The following TPRG1 variants were observed in gnomAD, a reference collection of about 807,000 sequenced individuals.
TPRG1 encodes the protein tumor protein p63-regulated gene 1 protein.
TPRG1 carries 29 observed loss-of-function variants against 29.3 expected under a neutral mutation model. The observed-to-expected ratio is 0.99, with a 90% confidence interval of 0.74 to 1.35. TPRG1 has a LOEUF of 1.35. TPRG1 is among the 40% of genes most tolerant of loss of function. TPRG1 has a pLI of 0.00. For missense variants in TPRG1, 327 were observed against 335.0 expected (o/e 0.98, Z 0.19); for synonymous variants, 130 against 116.8 (o/e 1.11, Z -0.73).
chr3:189,281,218 G>A (rs1261393978), intron 4 of TPRG1, among the ~76,000 whole-genome samples: 2 of 152,156 alleles, frequency 1.3e-5, no homozygotes, highest in Non-Finnish European at 2.9e-5. Context: ...GCTAATAAAT[G>A]GTAAAGCAAG....
Position 189,125,837 on chromosome 3 carries a change from G to A in TPRG1, c.-743-1220G>A, listed in dbSNP as rs1341681076. On this transcript the variant is annotated intron_variant, in intron 1 of 6. Transcript: ENST00000412373. ...TTTGTGTGTGTGTGTGTGTGTGTGT[G>A]TGTGTGTGTGTGTGTGTGTGTGTGT... Among the ~76,000 whole-genome samples the A allele has an allele frequency of 4.7e-5, 7 of 149,910 alleles. 1 individual carries two copies. The East Asian group carries it at 1.2e-3, about 25-fold the overall frequency.
At chr3:189,151,169 T>C (rs1356368709) in intron 5 of TPRG1, 1 of 152,210 alleles carries the variant, frequency 6.6e-6, no homozygotes, top group African/African-American at 2.4e-5. Context: ...GAAAGACCTG[T>C]GCAAAACACT....
At chr3:189,258,379 T>C (rs1413205928) in intron 4 of TPRG1, among the ~76,000 whole-genome samples, 1 of 151,986 alleles carries the variant, frequency 6.6e-6, no homozygotes, top group Non-Finnish European at 1.5e-5. Flanking sequence ...TCTGGAAGCT[T>C]TGTCCCAGAG....
chr3:189,056,809 T>A (rs2152142302), intron 4 of TPRG1, among the ~76,000 whole-genome samples: 1 of 152,266 alleles, frequency 6.6e-6, no homozygotes, highest in East Asian at 1.9e-4. Flanking sequence ...TTACTCTTGT[T>A]CACACCTACT....
chr3:189,044,911 A>T (rs1375268416), intron 4 of TPRG1, among the ~76,000 whole-genome samples: 1 of 152,218 alleles, frequency 6.6e-6, no homozygotes, highest in Non-Finnish European at 1.5e-5. Context: ...CCATAACATT[A>T]GATTTTATGT....
intron 3 of TPRG1, among the ~76,000 whole-genome samples, chr3:189,233,432 T>C (rs1738986172): frequency 6.6e-6 from 1 of 152,096 alleles, no homozygotes; most frequent in African/African-American, 2.4e-5. Flanking sequence ...CCTGTTGCCC[T>C]CTGCTGGTGA....
In TPRG1 at chr3:189,136,042, A is replaced by G. The variant is rs569379901; in HGVS notation, c.-291+3345A>G. On this transcript the variant is annotated intron_variant, in intron 3 of 6. Transcript: ENST00000412373. ...ATATTATAGCTGTGTGTTTGTGCCT[A>G]TCTACCAACAATTCTAAGCTCTATA... Among the ~76,000 whole-genome samples the G allele has an allele frequency of 2.0e-5, 3 of 152,296 alleles. No individual in the cohort carries two copies. In the South Asian group the frequency reaches 6.2e-4, roughly 32 times the overall value.
At chr3:189,070,035 C>T (rs2152152219) in intron 4 of TPRG1, among the ~76,000 whole-genome samples, 1 of 152,116 alleles carries the variant, frequency 6.6e-6, no homozygotes, top group East Asian at 1.9e-4. Flanking sequence ...GAGCAGAGAT[C>T]ACGCCACTGC....
upstream of TPRG1, among the ~76,000 whole-genome samples, chr3:189,170,796 G>C (rs1562759): frequency 0.44 from 67,402 of 151,944 alleles, 15,269 homozygotes; most frequent in African/African-American, 0.52. Context: ...CTGTGGAATC[G>C]CTTCATGACC....
intron 5 of TPRG1, among the ~76,000 whole-genome samples, chr3:189,154,826 T>A (rs1726446005): frequency 6.6e-6 from 1 of 152,022 alleles, no homozygotes; most frequent in Non-Finnish European, 1.5e-5. Context: ...ACATAGTACA[T>A]CAGACGGTGA....
chr3:189,159,605 C>A (rs1727181279), intron 5 of TPRG1, among the ~76,000 whole-genome samples: 1 of 151,990 alleles, frequency 6.6e-6, no homozygotes, highest in South Asian at 2.1e-4. Context: ...TTTTTGTGTT[C>A]TTGTTATTAC....
intron 2 of TPRG1, among the ~76,000 whole-genome samples, chr3:189,214,394 TG>T (rs895020297): frequency 6.6e-6 from 1 of 152,222 alleles, no homozygotes; most frequent in African/African-American, 2.4e-5. Flanking sequence ...CAAGTGGGAC[TG>T]GAAGAGTCAG....
At chr3:189,068,757 T>C (rs1448046278) in intron 4 of TPRG1, among the ~76,000 whole-genome samples, 1 of 150,688 alleles carries the variant, frequency 6.6e-6, no homozygotes, top group East Asian at 2.0e-4. Flanking sequence ...GCCCGGATGA[T>C]AGTGCGAAAC....
chr3:189,151,227 C>CTTGGGGT (rs11282305), intron 5 of TPRG1: 87,902 of 151,256 alleles, frequency 0.58, 26,465 homozygotes, highest in African/African-American at 0.75. Context: ...ACCAGTCGTC[C>CTTGGGGT]TTCAATAAGC....
chr3:189,214,532 C>T (rs1441617761), intron 2 of TPRG1, among the ~76,000 whole-genome samples: 1 of 152,144 alleles, frequency 6.6e-6, no homozygotes, highest in African/African-American at 2.4e-5. Context: ...GCACAACCTT[C>T]TCTGTCGAAG....
chr3:189,265,224 T>C (rs1713851544), intron 4 of TPRG1, among the ~76,000 whole-genome samples: 1 of 152,268 alleles, frequency 6.6e-6, no homozygotes, highest in East Asian at 1.9e-4. Flanking sequence ...CAATGTGAGT[T>C]GTGGAACTGG....
chr3:189,300,051 C>A (rs1381486925), intron 4 of TPRG1, among the ~76,000 whole-genome samples: 1 of 152,150 alleles, frequency 6.6e-6, no homozygotes, highest in Non-Finnish European at 1.5e-5. Context: ...GAAGAGAGAC[C>A]ACACATAAAA....
intron 3 of TPRG1, among the ~76,000 whole-genome samples, chr3:189,022,795 GC>G (rs1274777000): frequency 2.0e-4 from 31 of 152,232 alleles, no homozygotes; most frequent in African/African-American, 6.8e-4. Flanking sequence ...ACCTAATCAA[GC>G]CGGGGCAATG....
intron 3 of TPRG1, among the ~76,000 whole-genome samples, chr3:189,233,265 C>T (rs775768356): frequency 4.6e-5 from 7 of 151,610 alleles, no homozygotes; most frequent in Non-Finnish European, 5.9e-5. Flanking sequence ...AAATTATTTC[C>T]AAACCACAAA....
Sources: allele counts gnomAD v4.1 joint callset (sites outside exome capture counted in the v4.1 genomes callset), GRCh38; gene constraint gnomAD v4.1.1; transcripts MANE v1.5; gene names NCBI Gene and HGNC (gene_info 2026-07-23, HGNC 2026-07-21).